Variants in OSBPL1A observed in about 807,000 individuals in gnomAD.
OSBPL1A encodes oxysterol-binding protein-related protein 1.
In OSBPL1A, 80 loss-of-function variants were observed where a neutral mutation model predicts 137.1. That is an observed-to-expected ratio of 0.58 (90% CI 0.49 to 0.70). OSBPL1A has a LOEUF of 0.70. Among genes scored for constraint, OSBPL1A ranks in the 30% least tolerant of loss-of-function variants. The pLI, the probability that OSBPL1A is intolerant of heterozygous loss-of-function variation, is 0.00. For synonymous variants in OSBPL1A, 365 were observed against 389.7 expected, an observed-to-expected ratio of 0.94 and a Z score of 0.75; for missense variants, 970 against 1,129.4, an observed-to-expected ratio of 0.86 and a Z score of 2.02.
At chr18:24,371,976 C>T (rs1290157053) in intron 2 of OSBPL1A, among the ~76,000 whole-genome samples, 1 of 152,074 alleles carries the variant, frequency 6.6e-6, no homozygotes, top group Non-Finnish European at 1.5e-5. Context: ...TTACTGGTAA[C>T]TTCAAAAATG....
intron 5 of OSBPL1A, among the ~76,000 whole-genome samples, chr18:24,337,065 A>G (rs886396172): frequency 6.6e-6 from 1 of 152,222 alleles, no homozygotes; most frequent in South Asian, 2.1e-4. Flanking sequence ...TCCTAATAGG[A>G]TGCACTGGCA....
At chr18:24,185,611 A>G (rs2086727060) in intron 18 of OSBPL1A, among the ~76,000 whole-genome samples, 1 of 152,044 alleles carries the variant, frequency 6.6e-6, no homozygotes, top group African/African-American at 2.4e-5. Context: ...GAGCCACTGC[A>G]CCCATCCAGG....
intron 5 of OSBPL1A, among the ~76,000 whole-genome samples, chr18:24,336,386 G>A (rs1308686530): frequency 6.6e-6 from 1 of 152,082 alleles, no homozygotes; most frequent in African/African-American, 2.4e-5. Context: ...TTATGTTCCT[G>A]TCCTGTATTC....
At position 24,332,452 on chromosome 18, in the gene OSBPL1A, C is replaced by T. The variant is rs146897717; in HGVS notation, c.625+490G>A. ...TTGTGCTGAAGTGCTGTCTAATGTA[C>T]CTCAGTGGAAAAGGCTGTGATATGC... On this transcript the variant is annotated intron_variant, in intron 7 of 27. Transcript: ENST00000319481. Among the ~76,000 whole-genome samples, 6 of 142,598 alleles carry T rather than the reference C, an allele frequency of 4.2e-5. No individual in the cohort carries two copies. In the East Asian group the frequency reaches 1.3e-3, roughly 30 times the overall value. 93.5% of individuals were successfully genotyped at this position (142,598 alleles called of 152,430 possible).
chr18:24,274,097 G>A (rs2089789003), intron 15 of OSBPL1A, among the ~76,000 whole-genome samples: 2 of 152,048 alleles, frequency 1.3e-5, no homozygotes. Flanking sequence ...AGCAGGGTAT[G>A]GTGGTGTGTG....
chr18:24,323,373 T>G (rs1435056741), intron 7 of OSBPL1A, among the ~76,000 whole-genome samples: 1 of 149,420 alleles, frequency 6.7e-6, no homozygotes, highest in African/African-American at 2.5e-5. Flanking sequence ...GCCAACATGA[T>G]GAAATCCCAT....
At chr18:24,238,313 T>C (rs1271304802) in intron 16 of OSBPL1A, among the ~76,000 whole-genome samples, 1 of 151,860 alleles carries the variant, frequency 6.6e-6, no homozygotes, top group African/African-American at 2.4e-5. Context: ...TTTTCTCCCA[T>C]ACAACAATTA....
rs1364844830 is a variant in OSBPL1A, at chr18:24,317,203, T to A, written c.816A>T (p.Ala272=). 6.2e-7 allele frequency: 1 copy of A among 1,613,598 alleles called. No individual in the cohort carries two copies. Among genetic ancestry groups the A allele is most frequent in the Non-Finnish European group, 8.5e-7 (1 of 1,179,856 alleles). ...VLSWYRKQPD[A]VHNIYRQGCK... is the part of the protein sequence containing the mutation. ...ATCCCTGGCGATAAATATTATGAAC[T>A]GCATCAGGCCTTCAAAATAAAAATG... Residue 272 remains alanine (A), a synonymous_variant, in exon 11 of 28, where the codon GCA becomes GCT. Coordinates refer to ENST00000319481, the MANE Select transcript of OSBPL1A (RefSeq NM_080597.4).
chr18:24,251,232 G>A (rs1435993234), intron 15 of OSBPL1A, among the ~76,000 whole-genome samples: 1 of 152,176 alleles, frequency 6.6e-6, no homozygotes, highest in East Asian at 1.9e-4. Flanking sequence ...GCCACCTGGT[G>A]ACTACGTAGA....
chr18:24,361,189 C>G lies in OSBPL1A; in HGVS notation c.282+5703G>C, dbSNP rs114365827. On this transcript the variant is annotated intron_variant, in intron 4 of 27. Coordinates refer to ENST00000319481, the MANE Select transcript of OSBPL1A (RefSeq NM_080597.4). ...GGACTACAGATGCATGCTACCACATCTGGCTAATTTTTGATTTTGTAGAAG... is the reference window on the plus strand; with the variant it reads ...GGACTACAGATGCATGCTACCACATGTGGCTAATTTTTGATTTTGTAGAAG... Among the ~76,000 whole-genome samples the G allele has an allele frequency of 6.8e-3, 1,036 of 152,252 alleles. 13 individuals carry two copies. The highest frequency in any genetic ancestry group is 0.024 in the African/African-American group (989 of 41,546).
chr18:24,203,427 A>T (rs1376853690), intron 17 of OSBPL1A, among the ~76,000 whole-genome samples: 1 of 152,152 alleles, frequency 6.6e-6, no homozygotes, highest in Non-Finnish European at 1.5e-5. Flanking sequence ...AGGTATGTGC[A>T]TTTTTTAAAT....
rs764284033 is a variant in OSBPL1A at position 24,317,219 on chromosome 18, A to C, written c.807-7T>G. 3.1e-6 allele frequency: 5 copies of C among 1,613,790 alleles called. No homozygotes were observed. The African/African-American group carries it at 6.7e-5, about 22-fold the overall frequency. ...ATTATGAACTGCATCAGGCCTTCAA[A>C]ATAAAAATGAAATTATCAAGACAAA... On this transcript the variant is annotated splice_region_variant and splice_polypyrimidine_tract_variant and intron_variant, in intron 10 of 27. Coordinates refer to ENST00000319481, the MANE Select transcript of OSBPL1A (RefSeq NM_080597.4).
intron 15 of OSBPL1A, among the ~76,000 whole-genome samples, chr18:24,240,100 T>C (rs1328759280): frequency 6.6e-6 from 1 of 151,958 alleles, no homozygotes; most frequent in Non-Finnish European, 1.5e-5. Flanking sequence ...ATTTTGGTAT[T>C]TTTAGTAGAG....
chr18:24,166,724 A>T (rs1341508385), intron 25 of OSBPL1A, 22 bp from the exon 26 acceptor site: 2 of 1,601,926 alleles, frequency 1.2e-6, no homozygotes, highest in South Asian at 1.1e-5. Flanking sequence ...CAAAAGGAAG[A>T]AATTAAAATA....
In OSBPL1A at chr18:24,271,494, C is replaced by T; in HGVS notation, c.1281+9348G>A. ...TGCACCCCACTCTGCACACACACGT[C>T]CAACTATTCTTGGATCTACTCACAT... On this transcript the variant is annotated intron_variant, in intron 15 of 27. Transcript: ENST00000319481. The surrounding 1 kb of genome is among the most constrained non-coding windows in gnomAD (Gnocchi z 4.0). The T allele has an allele frequency of 1.1e-6, 1 of 939,764 alleles. No homozygotes were observed. The highest frequency in any genetic ancestry group is 1.3e-6 in the Non-Finnish European group (1 of 788,228). 58.2% of individuals were successfully genotyped at this position (939,764 alleles called of 1,614,324 possible). A position where few individuals can be genotyped will look rare whatever the true frequency, so the allele number is the denominator to read the frequency against.
intron 21 of OSBPL1A, among the ~76,000 whole-genome samples, chr18:24,173,878 T>C (rs1190844841): frequency 6.6e-6 from 1 of 152,246 alleles, no homozygotes; most frequent in Non-Finnish European, 1.5e-5. Flanking sequence ...CTTCTCCTGG[T>C]AGTCAAACCT....
chr18:24,183,243 ACTGT>A (rs2086656284), intron 18 of OSBPL1A, among the ~76,000 whole-genome samples: 2 of 152,034 alleles, frequency 1.3e-5, no homozygotes, highest in Admixed American at 6.6e-5. Context: ...GAAATACATA[ACTGT>A]CTTAGTATAA....
At position 24,163,126 on chromosome 18, in the gene OSBPL1A, A is replaced by G; in HGVS notation, c.*53T>C. The G allele has an allele frequency of 2.9e-6, 4 of 1,356,998 alleles. No homozygotes were observed. In the South Asian group the frequency reaches 3.8e-5, roughly 13 times the overall value. 84.1% of individuals were successfully genotyped at this position (1,356,998 alleles called of 1,614,324 possible). A position where few individuals can be genotyped will look rare whatever the true frequency, so the allele number is the denominator to read the frequency against. ...AACCAAGGGAAAAAAATTTAAAAAC[A>G]TAGGTTTAAGACTTATTTGTAGATT... On this transcript the variant is annotated 3_prime_UTR_variant, in exon 28 of 28. Transcript: ENST00000319481.
chr18:24,308,037 C>T (rs942054382), intron 13 of OSBPL1A, among the ~76,000 whole-genome samples: 1 of 151,952 alleles, frequency 6.6e-6, no homozygotes, highest in Admixed American at 6.6e-5. Flanking sequence ...CTGCCCGCCT[C>T]GGGAATCATT....
Sources: gnomAD v4.1 joint callset for allele counts (sites outside exome capture counted in the v4.1 genomes callset) on GRCh38, gnomAD v4.1.1 for gene constraint, Gnocchi (gnomAD v3.1) non-coding constraint, MANE v1.5 for transcripts, NCBI Gene and HGNC (gene_info 2026-07-23, HGNC 2026-07-21) for gene names.